The following IQSEC3 variants were observed in gnomAD, a reference collection of about 807,000 sequenced individuals.
IQSEC3 encodes IQ motif and SEC7 domain-containing protein 3.
A neutral mutation model predicts 105.4 loss-of-function variants in IQSEC3; 50 were observed. The ratio of observed to expected loss-of-function variants is 0.47; its 90% CI spans 0.38 to 0.60. The LOEUF (loss-of-function observed/expected upper bound fraction) is 0.60, where lower values mean the gene tolerates loss of function less well. IQSEC3 is among the 20% of genes least tolerant of loss of function. IQSEC3 has a pLI of 0.00. For synonymous variants in IQSEC3, 708 were observed against 746.0 expected (o/e 0.95, Z 0.83); for missense variants, 1,415 against 1,630.0 (o/e 0.87, Z 2.27).
intron 3 of IQSEC3, among the ~76,000 whole-genome samples, chr12:136,790 C>G (rs1223700696): frequency 7.2e-6 from 1 of 137,932 alleles, no homozygotes; most frequent in Non-Finnish European, 1.6e-5. Flanking sequence ...TAGGATGCCA[C>G]CATTTAAGCC....
At chr12:88,489 C>T (rs1188218603) in intron 1 of IQSEC3, among the ~76,000 whole-genome samples, 1 of 152,106 alleles carries the variant, frequency 6.6e-6, no homozygotes, top group Non-Finnish European at 1.5e-5. Context: ...GTCAAAGCTC[C>T]CCCAAAGAAA....
At chr12:155,268 G>A (rs1260610769) in intron 5 of IQSEC3, among the ~76,000 whole-genome samples, 1 of 152,194 alleles carries the variant, frequency 6.6e-6, no homozygotes, top group East Asian at 1.9e-4. Flanking sequence ...CCTGATCCTG[G>A]TGCTGCCGAT....
intron 2 of IQSEC3, 79 bp from the exon 3 acceptor site, chr12:125,554 C>T (rs1260988167): frequency 1.5e-6 from 2 of 1,373,520 alleles, no homozygotes. Flanking sequence ...GAGTGCCTAG[C>T]TTCTCTCCCC....
At position 169,111 on chromosome 12, in the gene IQSEC3, C is replaced by A; in HGVS notation, c.3064+6C>A. 1.2e-6 allele frequency: 2 copies of A among 1,613,114 alleles called. No individual in the cohort carries two copies. Among genetic ancestry groups the A allele is most frequent in the Non-Finnish European group, 1.7e-6 (2 of 1,179,564 alleles). ...AAAGCAAGGATCGCCGACAGGTGAGCCTCGGCTCCGCTCAGGGCACCAGTC... is the reference window on the plus strand; with the variant it reads ...AAAGCAAGGATCGCCGACAGGTGAGACTCGGCTCCGCTCAGGGCACCAGTC... On this transcript the variant is annotated splice_donor_region_variant and intron_variant, in intron 12 of 13. Transcript: ENST00000538872.
At chr12:126,544 G>GGTGTGTGTGTGTGTGT (rs56871643) in intron 3 of IQSEC3, among the ~76,000 whole-genome samples, 8,807 of 145,592 alleles carry the variant, frequency 0.06, 326 homozygotes, top group Non-Finnish European at 0.071. Flanking sequence ...CTTGATGGAA[G>GGTGTGTGTGTGTGTGT]GTGTGTGTGT....
chr12:158,943 G>C (rs1351520546), intron 7 of IQSEC3, among the ~76,000 whole-genome samples: 2 of 152,206 alleles, frequency 1.3e-5, no homozygotes, highest in African/African-American at 2.4e-5. Flanking sequence ...ACAGGCATGA[G>C]CCACCACGCC....
intron 2 of IQSEC3, among the ~76,000 whole-genome samples, chr12:110,853 A>G (rs1555079361): frequency 6.6e-6 from 1 of 152,186 alleles, no homozygotes; most frequent in Admixed American, 6.5e-5. Context: ...TCTGTCCCGT[A>G]GAGACTTCTC....
In IQSEC3 at chr12:163,486, G is replaced by A. The variant is rs782384701; in HGVS notation, c.2584-8G>A. The A allele has an allele frequency of 8.8e-6, 14 of 1,597,620 alleles. No homozygotes were observed. The highest frequency in any genetic ancestry group is 2.2e-5 in the South Asian group (2 of 90,268). On this transcript the variant is annotated splice_region_variant and splice_polypyrimidine_tract_variant and intron_variant, in intron 8 of 13. Transcript: ENST00000538872. ...GTCTCTCCCGCTGAGCGCCCTGCCCGCGTGCAGGTGCTGTCCGTGCCCCAC... is the reference window on the plus strand; with the variant it reads ...GTCTCTCCCGCTGAGCGCCCTGCCCACGTGCAGGTGCTGTCCGTGCCCCAC...
intron 7 of IQSEC3, among the ~76,000 whole-genome samples, chr12:160,189 C>G (rs184541714): frequency 2.1e-4 from 32 of 150,748 alleles, no homozygotes; most frequent in Non-Finnish European, 4.0e-4. Context: ...TTTTTTTTCC[C>G]CCATATTTCT....
chr12:162,269 C>T (rs895549524), intron 8 of IQSEC3, among the ~76,000 whole-genome samples: 1 of 151,776 alleles, frequency 6.6e-6, no homozygotes, highest in Admixed American at 6.6e-5. Flanking sequence ...CCACCCGATA[C>T]TGCAGCAGGA....
chr12:130,461 C>T (rs550313340), intron 3 of IQSEC3, among the ~76,000 whole-genome samples: 53 of 152,298 alleles, frequency 3.5e-4, no homozygotes, highest in South Asian at 1.0e-3. Flanking sequence ...CCCATGGTTT[C>T]GACCCTGTAC....
intron 5 of IQSEC3, chr12:143,245 T>C (rs4980847): frequency 0.79 from 120,792 of 152,582 alleles, 47,939 homozygotes; most frequent in Middle Eastern, 0.84. Flanking sequence ...TAACCTTAGG[T>C]AGGGATCAGG....
At chr12:159,582 C>T (rs1555095548) in intron 7 of IQSEC3, among the ~76,000 whole-genome samples, 1 of 152,238 alleles carries the variant, frequency 6.6e-6, no homozygotes, top group Non-Finnish European at 1.5e-5. Flanking sequence ...CCTTTAGCTG[C>T]CAGTGCTGCT....
chr12:156,174 A>C (rs1239467776), intron 5 of IQSEC3, among the ~76,000 whole-genome samples: 1 of 151,996 alleles, frequency 6.6e-6, no homozygotes, highest in Non-Finnish European at 1.5e-5. Context: ...CCCCACCCAC[A>C]CACACTGAAG....
intron 3 of IQSEC3, among the ~76,000 whole-genome samples, chr12:137,993 T>C (rs745837396): frequency 1.3e-5 from 2 of 152,052 alleles, no homozygotes; most frequent in Non-Finnish European, 2.9e-5. Context: ...CGCCACAGCA[T>C]CGATATCTGA....
rs782692787 is a variant in IQSEC3, at chr12:138,944, C to G, written c.1581C>G (p.Ala527=). The change falls in exon 4 of 14, where the codon GCC becomes GCG. Residue 527 remains alanine (A), a synonymous_variant. Transcript: ENST00000538872. This position sits in a 1 kb window ranked among gnomAD's most constrained non-coding sequence, Gnocchi z 7.1. ...CCGCAGAGCCCGCGGCGGGCAAGGCCGAGCAGGGCGAGACCTCTGGGCGGG... is the reference window on the plus strand; with the variant it reads ...CCGCAGAGCCCGCGGCGGGCAAGGCGGAGCAGGGCGAGACCTCTGGGCGGG... ...QAPAEPAAGK[A]EQGETSGREA... is the part of the protein sequence containing the mutation. 39 of 1,578,012 alleles carry G rather than the reference C, an allele frequency of 2.5e-5. No individual in the cohort carries two copies. The highest frequency in any genetic ancestry group is 2.8e-5 in the Non-Finnish European group (33 of 1,163,400).
intron 3 of IQSEC3, among the ~76,000 whole-genome samples, chr12:132,326 G>T (rs554808964): frequency 6.6e-6 from 1 of 152,260 alleles, no homozygotes; most frequent in African/African-American, 2.4e-5. Flanking sequence ...ACTTTGTGGA[G>T]TAGGACTTTG....
At chr12:133,326 G>A (rs958493484) in intron 3 of IQSEC3, among the ~76,000 whole-genome samples, 5 of 152,226 alleles carry the variant, frequency 3.3e-5, no homozygotes, top group African/African-American at 9.6e-5. Flanking sequence ...CATGTGACTC[G>A]TAATCAGCAC....
chr12:134,410 T>C (rs1555085768), intron 3 of IQSEC3, among the ~76,000 whole-genome samples: 2 of 152,250 alleles, frequency 1.3e-5, no homozygotes, highest in Non-Finnish European at 2.9e-5. Context: ...CCTAGGGTTA[T>C]GTCAGCTGGT....
Sources: gnomAD v4.1 joint callset for allele counts (sites outside exome capture counted in the v4.1 genomes callset) on GRCh38, gnomAD v4.1.1 for gene constraint, Gnocchi (gnomAD v3.1) non-coding constraint, MANE v1.5 for transcripts, NCBI Gene and HGNC (gene_info 2026-07-23, HGNC 2026-07-21) for gene names.